Variants in MCTP2 observed in about 807,000 individuals in gnomAD.
MCTP2 encodes the protein multiple C2 and transmembrane domain containing 2.
A neutral mutation model predicts 111.6 loss-of-function variants in MCTP2; 132 were observed. The ratio of observed to expected loss-of-function variants is 1.18; its 90% CI spans 1.03 to 1.37. The LOEUF (loss-of-function observed/expected upper bound fraction) is 1.37. MCTP2 is among the 40% of genes most tolerant of loss of function. The probability of loss-of-function intolerance (pLI) is 0.00; values close to 1 mark genes in which losing one functional copy is unlikely to be tolerated. For synonymous variants in MCTP2, 395 were observed against 387.7 expected, an observed-to-expected ratio of 1.02 and a Z score of -0.22; for missense variants, 1,183 against 1,067.9, an observed-to-expected ratio of 1.11 and a Z score of -1.50.
chr15:94,243,410 C>G (rs2071259887), intron 1 of MCTP2, among the ~76,000 whole-genome samples: 1 of 147,592 alleles, frequency 6.8e-6, no homozygotes. Context: ...TATGTACATA[C>G]ATACGTATGC....
At chr15:94,387,820 A>C (rs899984205) in intron 14 of MCTP2, among the ~76,000 whole-genome samples, 2 of 152,232 alleles carry the variant, frequency 1.3e-5, no homozygotes, top group Non-Finnish European at 2.9e-5. Flanking sequence ...GCTGCTAGCC[A>C]GGGAGGGCCT....
chr15:94,323,837 C>T (rs191053085), intron 4 of MCTP2, among the ~76,000 whole-genome samples: 1 of 152,256 alleles, frequency 6.6e-6, no homozygotes, highest in African/African-American at 2.4e-5. Flanking sequence ...TCCCTGTCCC[C>T]TCTTCTATTT....
In MCTP2 at chr15:94,262,364, C is replaced by T. The variant is rs2073235524; in HGVS notation, c.-66+30700C>T. Among the ~76,000 whole-genome samples the T allele has an allele frequency of 2.0e-5, 3 of 152,096 alleles. No homozygotes were observed. In the South Asian group the frequency reaches 6.2e-4, roughly 31 times the overall value. ...ATCTTTTAGCAATTTATAAAGTGAACTATTTCTTTTGGAAGATGACTAAGA... is the reference window on the plus strand; with the variant it reads ...ATCTTTTAGCAATTTATAAAGTGAATTATTTCTTTTGGAAGATGACTAAGA... On this transcript the variant is annotated intron_variant, in intron 1 of 22. Transcript: ENST00000357742.
At chr15:94,377,626 T>C (rs1296070222) in intron 12 of MCTP2, among the ~76,000 whole-genome samples, 2 of 152,210 alleles carry the variant, frequency 1.3e-5, no homozygotes, top group Non-Finnish European at 2.9e-5. Flanking sequence ...ATACCTTTTC[T>C]ATTCTCTGTG....
At chr15:94,372,070 G>A (rs918624765) in intron 12 of MCTP2, among the ~76,000 whole-genome samples, 2 of 152,156 alleles carry the variant, frequency 1.3e-5, no homozygotes, top group African/African-American at 2.4e-5. Flanking sequence ...TGGGAGAAAT[G>A]TTTTCATCTT....
At position 94,340,776 on chromosome 15, in the gene MCTP2, A is replaced by G. The variant is rs374127912; in HGVS notation, c.858-37A>G. The G allele has an allele frequency of 1.8e-4, 243 of 1,328,558 alleles. No homozygotes were observed. The Middle Eastern group carries it at 2.0e-3, about 11-fold the overall frequency. 82.3% of individuals were successfully genotyped at this position (1,328,558 alleles called of 1,614,324 possible). A position where few individuals can be genotyped will look rare whatever the true frequency, so the allele number is the denominator to read the frequency against. Reference sequence around the variant, plus strand: ...CGTGTAGGTCAATACAGTCCTGTCAATAAGTGGTAGCATTATTTGTTGCTT... The same window carrying G: ...CGTGTAGGTCAATACAGTCCTGTCAGTAAGTGGTAGCATTATTTGTTGCTT... On this transcript the variant is annotated intron_variant, in intron 6 of 22. Transcript: ENST00000357742.
chr15:94,299,206 C>A (rs1355277030), intron 2 of MCTP2, among the ~76,000 whole-genome samples: 1 of 151,654 alleles, frequency 6.6e-6, no homozygotes, highest in Non-Finnish European at 1.5e-5. Flanking sequence ...AAAGCTATTA[C>A]AAATAACTCT....
chr15:94,245,464 A>G (rs931607720), intron 1 of MCTP2, among the ~76,000 whole-genome samples: 2 of 140,028 alleles, frequency 1.4e-5, no homozygotes, highest in African/African-American at 5.1e-5. Context: ...ATGTATTTAT[A>G]TACATATATG....
chr15:94,367,817 TC>T, intron 11 of MCTP2, 26 bp downstream of exon 11: 1 of 1,548,052 alleles, frequency 6.5e-7, no homozygotes, highest in East Asian at 2.4e-5. Flanking sequence ...TATTGTACAC[TC>T]CCCCTCCTCC....
At chr15:94,402,611 G>A (rs1021666717) in intron 17 of MCTP2, 6 of 1,550,110 alleles carry the variant, frequency 3.9e-6, no homozygotes, top group African/African-American at 2.7e-5. Flanking sequence ...AACCACCTAA[G>A]TCTACCACTG....
At chr15:94,326,358 CTG>C (rs969594767) in intron 4 of MCTP2, among the ~76,000 whole-genome samples, 2 of 152,086 alleles carry the variant, frequency 1.3e-5, no homozygotes, top group Non-Finnish European at 2.9e-5. Flanking sequence ...ATACCTAAAT[CTG>C]TGTGTACAGG....
chr15:94,362,992 G>T (rs1443534511), intron 10 of MCTP2, among the ~76,000 whole-genome samples: 8 of 152,208 alleles, frequency 5.3e-5, no homozygotes, highest in Non-Finnish European at 2.9e-5. Context: ...CTTCAGGTGA[G>T]TAGAACAATG....
intron 4 of MCTP2, among the ~76,000 whole-genome samples, chr15:94,332,861 G>T (rs553886238): frequency 6.6e-6 from 1 of 152,268 alleles, no homozygotes; most frequent in South Asian, 2.1e-4. Context: ...TTTAGAAAAT[G>T]TTACATGGTA....
At chr15:94,453,685 CAA>C (rs2084616879) in intron 19 of MCTP2, among the ~76,000 whole-genome samples, 1 of 152,072 alleles carries the variant, frequency 6.6e-6, no homozygotes, top group South Asian at 2.1e-4. Context: ...AATAAAAACA[CAA>C]AGATTACATA....
chr15:94,464,684 A>G (rs890167727), intron 20 of MCTP2, among the ~76,000 whole-genome samples: 10 of 152,008 alleles, frequency 6.6e-5, no homozygotes, highest in African/African-American at 2.2e-4. Flanking sequence ...CTCTAGCTCC[A>G]TGCCAAACAT....
Position 94,384,041 on chromosome 15 carries a change from C to T in MCTP2, c.1602C>T (p.Cys534=). The change falls in exon 13 of 23, where the codon TGC becomes TGT. Residue 534 remains cysteine (C), a synonymous_variant. Transcript: ENST00000357742. ...TTCCAGGGAAGAGTGACCCATTTTG[C>T]TTGTTGGAGTTAGGCAATGACCGAC... ...ADFSGKSDPF[C]LLELGNDRLQ... The T allele has an allele frequency of 6.2e-7, 1 of 1,613,544 alleles. No homozygotes were observed. Among genetic ancestry groups the T allele is most frequent in the Non-Finnish European group, 8.5e-7 (1 of 1,179,610 alleles).
At chr15:94,259,476 G>C (rs2073049713) in intron 1 of MCTP2, among the ~76,000 whole-genome samples, 1 of 152,134 alleles carries the variant, frequency 6.6e-6, no homozygotes, top group Non-Finnish European at 1.5e-5. Context: ...TTGTTTGTAA[G>C]AATCCTTACC....
chr15:94,350,226 C>T (rs1053022000), intron 8 of MCTP2, among the ~76,000 whole-genome samples: 17 of 152,192 alleles, frequency 1.1e-4, no homozygotes, highest in African/African-American at 3.9e-4. Flanking sequence ...TGGCTCCTAA[C>T]CATAAGGTGA....
intron 19 of MCTP2, 44 bp downstream of exon 19, chr15:94,443,004 T>A: frequency 6.4e-7 from 1 of 1,558,672 alleles, no homozygotes; most frequent in Non-Finnish European, 8.8e-7. Flanking sequence ...AACACTAGTG[T>A]TGTCAACAGA....
Sources: gnomAD v4.1 joint callset for allele counts (sites outside exome capture counted in the v4.1 genomes callset) on GRCh38, gnomAD v4.1.1 for gene constraint, MANE v1.5 for transcripts, NCBI Gene and HGNC (gene_info 2026-07-23, HGNC 2026-07-21) for gene names.